Variants in GPR158 observed in about 807,000 individuals in gnomAD.
The protein encoded by GPR158 is G protein-coupled receptor 158.
In GPR158, 30 loss-of-function variants were observed where a neutral mutation model predicts 78.2. The ratio of observed to expected loss-of-function variants is 0.38; its 90% CI spans 0.29 to 0.52. The LOEUF (loss-of-function observed/expected upper bound fraction) is 0.52, where lower values mean the gene tolerates loss of function less well. GPR158 is among the 20% of genes least tolerant of loss of function. The pLI is 0.83. For missense variants in GPR158, 1,463 were observed against 1,523.5 expected (o/e 0.96, Z 0.66); for synonymous variants, 581 against 591.1 (o/e 0.98, Z 0.25).
intron 8 of GPR158, 132 bp downstream of exon 8, chr10:25,589,277 T>G: frequency 1.8e-6 from 1 of 566,576 alleles, no homozygotes; most frequent in Non-Finnish European, 2.9e-6. Context: ...GACTAATTTC[T>G]TTTACAGATT....
chr10:25,266,572 T>G (rs1486216142), intron 2 of GPR158, among the ~76,000 whole-genome samples: 2 of 152,156 alleles, frequency 1.3e-5, no homozygotes, highest in Non-Finnish European at 2.9e-5. Flanking sequence ...TTCTATTGTC[T>G]TTTTTTACAT....
chr10:25,335,989 T>C (rs540249092), intron 2 of GPR158, among the ~76,000 whole-genome samples: 1 of 152,138 alleles, frequency 6.6e-6, no homozygotes, highest in East Asian at 1.9e-4. Flanking sequence ...GTTCTTTATA[T>C]TGTACATGCT....
At chr10:25,296,234 A>C (rs1046020036) in intron 2 of GPR158, among the ~76,000 whole-genome samples, 1 of 151,994 alleles carries the variant, frequency 6.6e-6, no homozygotes, top group Non-Finnish European at 1.5e-5. Context: ...GATAGTGATA[A>C]TGGGACACAG....
intron 6 of GPR158, among the ~76,000 whole-genome samples, chr10:25,559,990 C>T (rs909627454): frequency 1.3e-5 from 2 of 152,140 alleles, no homozygotes; most frequent in South Asian, 2.1e-4. Flanking sequence ...AAACAAACAG[C>T]ACAACCACCA....
chr10:25,400,851 C>A (rs1048949806), intron 3 of GPR158, among the ~76,000 whole-genome samples: 5 of 152,118 alleles, frequency 3.3e-5, no homozygotes, highest in South Asian at 4.1e-4. Context: ...TGACCCATAT[C>A]CAGAAATGAC....
intron 2 of GPR158, among the ~76,000 whole-genome samples, chr10:25,379,703 T>G (rs1760767): frequency 0.66 from 93,355 of 141,598 alleles, 31,907 homozygotes; most frequent in Non-Finnish European, 0.75. Flanking sequence ...GTCTTCCTGA[T>G]TATTTTTCTA....
intron 2 of GPR158, among the ~76,000 whole-genome samples, chr10:25,256,914 G>C (rs1853896648): frequency 6.6e-6 from 1 of 152,096 alleles, no homozygotes; most frequent in South Asian, 2.1e-4. Context: ...CGTTTAGATA[G>C]AGATAAACCT....
rs140421124 is a variant in GPR158, at chr10:25,184,313, C to A, written c.902+7991C>A. 7.5e-3 allele frequency among the ~76,000 whole-genome samples: 1,140 copies of A among 152,260 alleles called. 21 individuals are homozygous for A. The highest frequency in any genetic ancestry group is 0.026 in the African/African-American group (1,088 of 41,550). On this transcript the variant is annotated intron_variant, in intron 1 of 10. Transcript: ENST00000376351. ...TCAGGTGATCCTCCCACCTTAGCCT[C>A]CTAAGTAGCTGGGAGTACAGGCACA...
intron 4 of GPR158, among the ~76,000 whole-genome samples, chr10:25,455,632 T>C (rs1357573115): frequency 6.6e-6 from 1 of 152,174 alleles, no homozygotes; most frequent in African/African-American, 2.4e-5. Context: ...CTGTACGGGT[T>C]AGTATTTATT....
intron 2 of GPR158, among the ~76,000 whole-genome samples, chr10:25,293,585 A>G (rs1315259755): frequency 2.0e-5 from 3 of 152,164 alleles, no homozygotes; most frequent in African/African-American, 4.8e-5. Context: ...TTGTAGACCC[A>G]ATATTTTTCT....
intron 5 of GPR158, among the ~76,000 whole-genome samples, chr10:25,537,431 T>A (rs915375174): frequency 1.3e-5 from 2 of 152,282 alleles, no homozygotes; most frequent in South Asian, 4.1e-4. Flanking sequence ...TTTCTTATTT[T>A]AAATTAACTT....
At chr10:25,556,935 C>G (rs1342242249) in intron 6 of GPR158, among the ~76,000 whole-genome samples, 1 of 152,186 alleles carries the variant, frequency 6.6e-6, no homozygotes, top group East Asian at 1.9e-4. Flanking sequence ...ACTTGACTTT[C>G]TCTTTTCCTG....
At chr10:25,338,460 T>TA in intron 2 of GPR158, among the ~76,000 whole-genome samples, 1 of 126,144 alleles carries the variant, frequency 7.9e-6, no homozygotes, top group South Asian at 2.3e-4. Flanking sequence ...AATATATATA[T>TA]TACGTATATT....
At chr10:25,397,971 C>A (rs11818261) in intron 3 of GPR158, among the ~76,000 whole-genome samples, 5 of 152,202 alleles carry the variant, frequency 3.3e-5, no homozygotes, top group Admixed American at 3.3e-4. Context: ...GAGAGAGCCA[C>A]GTGGTTGGGG....
chr10:25,370,640 T>G (rs2130548363), intron 2 of GPR158, among the ~76,000 whole-genome samples: 1 of 149,466 alleles, frequency 6.7e-6, no homozygotes, highest in South Asian at 2.2e-4. Context: ...AAAATGTATA[T>G]TCTGTTGATT....
Position 25,336,244 on chromosome 10 carries a change from A to G in GPR158, c.1009-59667A>G, listed in dbSNP as rs1340477074. Among the ~76,000 whole-genome samples the G allele has an allele frequency of 2.0e-5, 3 of 152,186 alleles. No homozygotes were observed. The East Asian group carries it at 5.8e-4, about 29-fold the overall frequency. On this transcript the variant is annotated intron_variant, in intron 2 of 10. Transcript: ENST00000376351. ...AAATCAATTCTTTATTTGAATGTTT[A>G]TGTTATTTGAAGTCTGTATAATTCT... is the stretch of plus-strand genomic sequence containing the variant.
intron 7 of GPR158, among the ~76,000 whole-genome samples, chr10:25,584,358 C>T (rs1165358195): frequency 6.6e-6 from 1 of 152,188 alleles, no homozygotes; most frequent in Non-Finnish European, 1.5e-5. Context: ...TTATATATCA[C>T]ATTTAGTTTA....
chr10:25,554,268 T>A (rs771374952), intron 6 of GPR158, among the ~76,000 whole-genome samples: 12 of 152,162 alleles, frequency 7.9e-5, no homozygotes, highest in Non-Finnish European at 1.3e-4. Context: ...AAACCATACC[T>A]CTCTAGGCAG....
rs933079904 is a variant in GPR158 at position 25,589,147 on chromosome 10, C to T, written c.1892+2C>T. 8.8e-6 allele frequency: 14 copies of T among 1,593,044 alleles called. No individual in the cohort carries two copies. The highest frequency in any genetic ancestry group is 1.0e-5 in the Non-Finnish European group (12 of 1,165,444). On this transcript the variant is annotated splice_donor_variant, in intron 8 of 10. Coordinates refer to ENST00000376351, the MANE Select transcript of GPR158 (RefSeq NM_020752.3). LOFTEE classifies it low-confidence loss of function (GC_TO_GT_DONOR). Reference sequence around the variant, plus strand: ...CTCTGCTATATTCCATACAATTAGGCAAGTGATCTGTAGAGCTAGTAAATA... The same window carrying T: ...CTCTGCTATATTCCATACAATTAGGTAAGTGATCTGTAGAGCTAGTAAATA...
Sources: allele counts gnomAD v4.1 joint callset (sites outside exome capture counted in the v4.1 genomes callset), GRCh38; gene constraint gnomAD v4.1.1; transcripts MANE v1.5; gene names NCBI Gene and HGNC (gene_info 2026-07-23, HGNC 2026-07-21).